The following DHRS4 variants were observed in gnomAD, a reference collection of about 807,000 sequenced individuals.
The protein encoded by DHRS4 is dehydrogenase/reductase SDR family member 4.
A neutral mutation model predicts 28.4 loss-of-function variants in DHRS4; 20 were observed. That is an observed-to-expected ratio of 0.71 (90% CI 0.50 to 1.02). The LOEUF is 1.02. Among genes scored for constraint, DHRS4 ranks in the 50% least tolerant of loss-of-function variants. The pLI is 0.00. For synonymous variants in DHRS4, 144 were observed against 146.4 expected (o/e 0.98, Z 0.12); for missense variants, 378 against 367.2 (o/e 1.03, Z -0.24).
chr14:23,966,937 C>T (rs1225412866), intron 6 of DHRS4, among the ~76,000 whole-genome samples: 6 of 152,334 alleles, frequency 3.9e-5, no homozygotes, highest in Non-Finnish European at 8.8e-5. Flanking sequence ...GGGCAGATCA[C>T]GAGGTCAGGA....
intron 5 of DHRS4, 105 bp downstream of exon 5, chr14:23,966,088 C>G (rs2033605425): frequency 6.2e-7 from 1 of 1,602,648 alleles, no homozygotes; most frequent in South Asian, 1.1e-5. Flanking sequence ...AATCACACCA[C>G]CAAGTCCCTG....
In DHRS4 at chr14:23,958,989, G is replaced by A. The variant is rs531625473; in HGVS notation, c.307-913G>A. ...TAGATGATCTCAAAGGCCCCTCCAG[G>A]GTAACTTTCTACAGCTCTATTTAAG... On this transcript the variant is annotated intron_variant, in intron 2 of 7. Transcript: ENST00000313250. Among the ~76,000 whole-genome samples the A allele has an allele frequency of 1.4e-4, 21 of 152,258 alleles. No homozygotes were observed. In the East Asian group the frequency reaches 3.3e-3, roughly 24 times the overall value.
In DHRS4 at chr14:23,955,165, G is replaced by T; in HGVS notation, c.259G>T (p.Val87Leu). The T allele has an allele frequency of 1.2e-6, 2 of 1,613,844 alleles. No homozygotes were observed. The highest frequency in any genetic ancestry group is 1.3e-5 in the African/African-American group (1 of 75,046). ...GGAGGGGCTGAGCGTGACGGGCACC[G>T]TGTGCCATGTGGGGAAGGCGGAGGA... is the stretch of plus-strand genomic sequence containing the variant. ...QGEGLSVTGT[V>L]CHVGKAEDRE... The change falls in exon 2 of 8, where the codon GTG becomes TTG. Residue 87 changes from valine (V) to leucine (L), a missense_variant. Physicochemically the swap from Val to Leu is conservative, Grantham distance 32 (BLOSUM62 1). Transcript: ENST00000313250.
rs766332568 is a variant in DHRS4 at position 23,955,030 on chromosome 14, C to T, written c.129-5C>T. 20 of 1,614,016 alleles carry T rather than the reference C, an allele frequency of 1.2e-5. No individual in the cohort carries two copies. The highest frequency in any genetic ancestry group is 1.6e-5 in the Non-Finnish European group (19 of 1,179,996). ...TTAGCAGTCTTTGTCTCTTTCTGCT[C>T]ACAGGATCGGCTTCGCCATCGCCCG... On this transcript the variant is annotated splice_polypyrimidine_tract_variant and splice_region_variant and intron_variant, in intron 1 of 7. Transcript: ENST00000313250.
intron 3 of DHRS4, among the ~76,000 whole-genome samples, chr14:23,960,433 T>A (rs1421902582): frequency 6.6e-6 from 1 of 152,046 alleles, no homozygotes; most frequent in East Asian, 1.9e-4. Flanking sequence ...GCTCCTTATT[T>A]AAAATACTAA....
In DHRS4 at chr14:23,959,906, T is replaced by G. The variant is rs1364877193; in HGVS notation, c.311T>G (p.Val104Gly). 1 of 1,613,304 alleles carries G rather than the reference T, an allele frequency of 6.2e-7. No homozygotes were observed. Among genetic ancestry groups the G allele is most frequent in the Admixed American group, 1.7e-5 (1 of 59,964 alleles). ...AGAACTTACCCCTCTCTCTAGGCTG[T>G]GAAGCTTCATGGAGGTATCGATATC... ...EDRERLVATA[V>G]KLHGGIDILV... Residue 104 changes from valine to glycine, a missense_variant, in exon 3 of 8, where the codon GTG (valine) becomes GGG (glycine). By Grantham distance (109) the Val-to-Gly change is moderately radical. Coordinates refer to ENST00000313250, the MANE Select transcript of DHRS4 (RefSeq NM_021004.4).
intron 2 of DHRS4, among the ~76,000 whole-genome samples, chr14:23,956,599 CTTTTTT>C (rs1229716867): frequency 2.6e-5 from 3 of 116,976 alleles, no homozygotes; most frequent in Non-Finnish European, 5.1e-5. Flanking sequence ...CCTCCATATC[CTTTTTT>C]TTTTTTTTTT....
chr14:23,954,042 A>G, intron 1 of DHRS4, 126 bp downstream of exon 1: 1 of 1,444,954 alleles, frequency 6.9e-7, no homozygotes, highest in Non-Finnish European at 9.2e-7. Context: ...CCCTGGAAAA[A>G]AGGTAGCCAC....
rs1023408631 is a variant in DHRS4 at position 23,965,848 on chromosome 14, G to A, written c.479+16G>A. 6 of 1,606,884 alleles carry A rather than the reference G, an allele frequency of 3.7e-6. 1 individual carries two copies. Among genetic ancestry groups the A allele is most frequent in the Non-Finnish European group, 5.1e-6 (6 of 1,176,290 alleles). On this transcript the variant is annotated intron_variant, in intron 4 of 7. Coordinates refer to ENST00000313250, the MANE Select transcript of DHRS4 (RefSeq NM_021004.4). ...AGAAACGAGGGTACAGAGAGTGAGAGAGAGCCTGGGTGAGAGGGGACACCA... is the reference window on the plus strand; with the variant it reads ...AGAAACGAGGGTACAGAGAGTGAGAAAGAGCCTGGGTGAGAGGGGACACCA...
chr14:23,960,510 T>C (rs919572435), intron 3 of DHRS4, among the ~76,000 whole-genome samples: 1 of 152,000 alleles, frequency 6.6e-6, no homozygotes, highest in Non-Finnish European at 1.5e-5. Context: ...TAAAAACCTA[T>C]ATTATTTTCT....
At chr14:23,954,561 C>T (rs1566466016) in intron 1 of DHRS4, among the ~76,000 whole-genome samples, 4 of 152,242 alleles carry the variant, frequency 2.6e-5, no homozygotes, top group Admixed American at 6.5e-5. Context: ...GTAACTCTTC[C>T]TCCCAAGGCA....
intron 3 of DHRS4, among the ~76,000 whole-genome samples, chr14:23,964,347 C>G: frequency 7.0e-6 from 1 of 143,300 alleles, no homozygotes; most frequent in East Asian, 2.1e-4. Flanking sequence ...CAAATCCAAA[C>G]ATAATGGCTG....
At chr14:23,968,635 C>T (rs2033727659) in intron 7 of DHRS4, 122 bp from the exon 8 acceptor site, 2 of 1,523,882 alleles carry the variant, frequency 1.3e-6, no homozygotes, top group Non-Finnish European at 1.8e-6. Flanking sequence ...AAAGCTTGTA[C>T]ACTGACCCTG....
At position 23,959,575 on chromosome 14, in the gene DHRS4, C is replaced by A. The variant is rs550108378; in HGVS notation, c.307-327C>A. Among the ~76,000 whole-genome samples the A allele has an allele frequency of 4.6e-4, 70 of 151,676 alleles. 1 individual carries two copies. Among genetic ancestry groups the A allele is most frequent in the South Asian group, 2.1e-3 (10 of 4,726 alleles). On this transcript the variant is annotated intron_variant, in intron 2 of 7. Coordinates refer to ENST00000313250, the MANE Select transcript of DHRS4 (RefSeq NM_021004.4). ...TCCGTCTAAAAAAGAAAGAAGCCAA[C>A]CTTAAATGGTTAGCGGCAGATCTTA...
At chr14:23,964,184 C>T (rs1480348891) in intron 3 of DHRS4, among the ~76,000 whole-genome samples, 6 of 98,532 alleles carry the variant, frequency 6.1e-5, no homozygotes, top group Admixed American at 1.6e-4. Context: ...AAAAATGGCT[C>T]GAATTAATGC....
intron 3 of DHRS4, among the ~76,000 whole-genome samples, chr14:23,962,565 T>C (rs2033457756): frequency 6.6e-6 from 1 of 151,882 alleles, no homozygotes; most frequent in Admixed American, 6.6e-5. Flanking sequence ...TTGTAGCAAT[T>C]CAGTCCCATC....
chr14:23,962,540 C>A (rs1313648511), intron 3 of DHRS4, among the ~76,000 whole-genome samples: 1 of 151,866 alleles, frequency 6.6e-6, no homozygotes, highest in Non-Finnish European at 1.5e-5. Context: ...CAGCCATCTA[C>A]ATTTTATCGT....
chr14:23,954,851 A>G (rs1457467274), intron 1 of DHRS4, among the ~76,000 whole-genome samples, 184 bp from the exon 2 acceptor site: 1 of 152,268 alleles, frequency 6.6e-6, no homozygotes, highest in African/African-American at 2.4e-5. Flanking sequence ...CATAATAAAA[A>G]CAAGTAAAGG....
chr14:23,959,757 G>A, intron 2 of DHRS4, 145 bp from the exon 3 acceptor site: 2 of 882,006 alleles, frequency 2.3e-6, no homozygotes, highest in Non-Finnish European at 3.7e-6. Context: ...CAGCTCAAGT[G>A]AGCCTCCCAC....
Sources: gnomAD v4.1 joint callset for allele counts (sites outside exome capture counted in the v4.1 genomes callset) on GRCh38, gnomAD v4.1.1 for gene constraint, MANE v1.5 for transcripts, NCBI Gene and HGNC (gene_info 2026-07-23, HGNC 2026-07-21) for gene names.